The following LIN7A variants were observed in gnomAD, a reference collection of about 807,000 sequenced individuals.
LIN7A encodes the protein protein lin-7 homolog A.
Under a neutral mutation model 29.8 loss-of-function variants are expected in LIN7A, and 25 were observed. The observed-to-expected ratio is 0.84, with a 90% CI of 0.61 to 1.17. LIN7A has a LOEUF of 1.17. LIN7A is among the 50% of genes most tolerant of loss of function. The probability of loss-of-function intolerance (pLI) is 0.00; values close to 1 mark genes in which losing one functional copy is unlikely to be tolerated. For missense variants in LIN7A, 239 were observed against 287.0 expected (o/e 0.83, Z 1.21); for synonymous variants, 118 against 107.5 (o/e 1.10, Z -0.60).
chr12:80,863,284 T>C (rs1482649015), intron 2 of LIN7A, among the ~76,000 whole-genome samples: 3 of 152,254 alleles, frequency 2.0e-5, no homozygotes, highest in Non-Finnish European at 4.4e-5. Context: ...CTCTGCTTTC[T>C]TGTAGATTAA....
chr12:80,926,598 A>G (rs1422388118), intron 1 of LIN7A, among the ~76,000 whole-genome samples: 1 of 152,224 alleles, frequency 6.6e-6, no homozygotes, highest in Non-Finnish European at 1.5e-5. Context: ...AACATTGGTT[A>G]AACCATTTTT....
chr12:80,893,551 T>A (rs1232482634), intron 1 of LIN7A, among the ~76,000 whole-genome samples: 2 of 152,170 alleles, frequency 1.3e-5, no homozygotes, highest in African/African-American at 2.4e-5. Flanking sequence ...CCTTTCCCAG[T>A]CCTCATAAAA....
In LIN7A at chr12:80,937,801, A is replaced by C; in HGVS notation, c.-79T>G. ...AGGGAAGACGGAAAGGAGGGGGAGGAGGGGGAAGGAAGGAAGGTGGTGGTG... is the reference window on the plus strand; with the variant it reads ...AGGGAAGACGGAAAGGAGGGGGAGGCGGGGGAAGGAAGGAAGGTGGTGGTG... On this transcript the variant is annotated 5_prime_UTR_variant, in exon 1 of 6. Coordinates refer to ENST00000552864, the MANE Select transcript of LIN7A (RefSeq NM_004664.4). The C allele has an allele frequency of 1.0e-4, 7 of 69,250 alleles. No homozygotes were observed. Among genetic ancestry groups the C allele is most frequent in the African/African-American group, 2.6e-4 (2 of 7,814 alleles). 4.3% of individuals were successfully genotyped at this position (69,250 alleles called of 1,614,324 possible). A position where few individuals can be genotyped will look rare whatever the true frequency, so the allele number is the denominator to read the frequency against.
intron 1 of LIN7A, among the ~76,000 whole-genome samples, chr12:80,898,467 G>A (rs2120712846): frequency 6.6e-6 from 1 of 151,724 alleles, no homozygotes; most frequent in South Asian, 2.1e-4. Flanking sequence ...GGCTATTTGG[G>A]CTCTTTTGTG....
intron 5 of LIN7A, among the ~76,000 whole-genome samples, chr12:80,804,427 A>C (rs1870873223): frequency 6.6e-6 from 1 of 151,312 alleles, no homozygotes. Context: ...CCATGGGCTC[A>C]ATTGCTTTGA....
intron 1 of LIN7A, among the ~76,000 whole-genome samples, chr12:80,925,997 T>C (rs1565931829): frequency 6.6e-6 from 1 of 152,194 alleles, no homozygotes. Context: ...TGATCATCAT[T>C]GCACTAGCTC....
chr12:80,902,290 G>A (rs1876261293), intron 1 of LIN7A, among the ~76,000 whole-genome samples: 1 of 150,762 alleles, frequency 6.6e-6, no homozygotes, highest in African/African-American at 2.5e-5. Context: ...TCAAAGTCAG[G>A]TAGTGTGATG....
intron 1 of LIN7A, among the ~76,000 whole-genome samples, chr12:80,916,043 GA>G (rs869197133): frequency 4.6e-5 from 7 of 151,930 alleles, no homozygotes; most frequent in South Asian, 2.1e-4. Flanking sequence ...ATTTGAGGGG[GA>G]AAAAATCCTG....
intron 1 of LIN7A, among the ~76,000 whole-genome samples, chr12:80,928,068 T>C (rs900110983): frequency 4.6e-5 from 7 of 152,230 alleles, no homozygotes; most frequent in Non-Finnish European, 7.3e-5. Context: ...TAGTATTCCA[T>C]GGTGTATATG....
chr12:80,827,470 C>G (rs1421605788), intron 4 of LIN7A, among the ~76,000 whole-genome samples: 1 of 152,138 alleles, frequency 6.6e-6, no homozygotes, highest in Non-Finnish European at 1.5e-5. Flanking sequence ...GTGCCAAGTA[C>G]TAAACCTGGC....
At chr12:80,802,509 T>A in intron 5 of LIN7A, among the ~76,000 whole-genome samples, 1 of 152,134 alleles carries the variant, frequency 6.6e-6, no homozygotes, top group Non-Finnish European at 1.5e-5. Context: ...GATCATATGG[T>A]GGTTCTAATT....
intron 4 of LIN7A, among the ~76,000 whole-genome samples, chr12:80,819,102 G>A (rs974900530): frequency 6.6e-6 from 1 of 152,196 alleles, no homozygotes; most frequent in East Asian, 1.9e-4. Flanking sequence ...TATTTTGAGA[G>A]AGAGAATGAG....
At position 80,889,342 on chromosome 12, in the gene LIN7A, T is replaced by C. The variant is rs1405956648; in HGVS notation, c.110A>G (p.Glu37Gly). 2 of 1,611,364 alleles carry C rather than the reference T, an allele frequency of 1.2e-6. No individual in the cohort carries two copies. Among genetic ancestry groups the C allele is most frequent in the East Asian group, 2.2e-5 (1 of 44,802 alleles). The change falls in exon 2 of 6, where the codon GAA (glutamate) becomes GGA (glycine). Residue 37 changes from glutamate (E) to glycine (G), a missense_variant. Physicochemically the swap from Glu to Gly is moderately conservative, Grantham distance 98. Transcript: ENST00000552864. ...RDVARAIELL[E>G]KLQESGEVPV... The stretch of plus-strand genomic sequence containing the variant: ...TACTTCTCCAGATTCCTGTAGTTTT[T>C]CCAGTAATTCAATTGCTCTTGCAAC...
intron 4 of LIN7A, among the ~76,000 whole-genome samples, chr12:80,832,801 G>A (rs1404198345): frequency 6.6e-6 from 1 of 152,092 alleles, no homozygotes; most frequent in Non-Finnish European, 1.5e-5. Flanking sequence ...ATATGGTTTG[G>A]AACTGTTTTC....
chr12:80,917,796 T>C (rs1877100363), intron 1 of LIN7A, among the ~76,000 whole-genome samples: 1 of 152,182 alleles, frequency 6.6e-6, no homozygotes, highest in Non-Finnish European at 1.5e-5. Context: ...TCCAGATTTC[T>C]GTTCCCTTTG....
chr12:80,931,577 G>A (rs188592072), intron 1 of LIN7A, among the ~76,000 whole-genome samples: 4 of 151,226 alleles, frequency 2.6e-5, no homozygotes, highest in African/African-American at 9.7e-5. Context: ...GGCTGAGGTT[G>A]CAGTGAGCCG....
chr12:80,882,284 A>ATTTTTTTT (rs1463134808), intron 2 of LIN7A, among the ~76,000 whole-genome samples: 3 of 71,986 alleles, frequency 4.2e-5, no homozygotes, highest in Non-Finnish European at 1.0e-4. Flanking sequence ...TTTTTCTTTC[A>ATTTTTTTT]TTCTTTTTTT....
At chr12:80,851,228 G>A (rs563523594) in intron 2 of LIN7A, among the ~76,000 whole-genome samples, 2 of 151,658 alleles carry the variant, frequency 1.3e-5, no homozygotes, top group Non-Finnish European at 3.0e-5. Context: ...AGTGAGGGCT[G>A]CAAATATACA....
chr12:80,862,172 A>G (rs1829350458), intron 2 of LIN7A, among the ~76,000 whole-genome samples: 1 of 152,226 alleles, frequency 6.6e-6, no homozygotes, highest in Non-Finnish European at 1.5e-5. Context: ...AACCGAACAG[A>G]GAGTGAGTCA....
Sources: allele counts gnomAD v4.1 joint callset (sites outside exome capture counted in the v4.1 genomes callset), GRCh38; gene constraint gnomAD v4.1.1; transcripts MANE v1.5; gene names NCBI Gene and HGNC (gene_info 2026-07-23, HGNC 2026-07-21).